The following RBFOX1 variants were observed in gnomAD, a reference collection of about 807,000 sequenced individuals.
The protein encoded by RBFOX1 is RNA binding protein fox-1 homolog 1.
RBFOX1 carries 8 observed loss-of-function variants against 57.7 expected under a neutral mutation model. That is an observed-to-expected ratio of 0.14 (90% CI 0.08 to 0.25). The LOEUF (loss-of-function observed/expected upper bound fraction) is 0.25, where lower values mean the gene tolerates loss of function less well. Among genes scored for constraint, RBFOX1 ranks in the 10% least tolerant of loss-of-function variants. The pLI is 1.00. For missense variants in RBFOX1, 611 were observed against 548.5 expected, an observed-to-expected ratio of 1.11 and a Z score of -1.14; for synonymous variants, 326 against 222.4, an observed-to-expected ratio of 1.47 and a Z score of -4.15.
rs117813726 is a variant in RBFOX1, at chr16:7,035,182, G to A, written c.-15-16875G>A. Among the ~76,000 whole-genome samples, 628 of 152,058 alleles carry A rather than the reference G, an allele frequency of 4.1e-3. 6 individuals are homozygous for A. The highest frequency in any genetic ancestry group is 0.024 in the East Asian group (125 of 5,138). On this transcript the variant is annotated intron_variant, in intron 3 of 15. Coordinates refer to ENST00000550418, the MANE Select transcript of RBFOX1 (RefSeq NM_018723.4). ...GTGCATTTGTAATGAGTTTCCAGGT[G>A]ATGCCAACGCTGTTGGTCCTCAGTC... is the stretch of plus-strand genomic sequence containing the variant.
At chr16:7,207,733 G>T (rs1461163612) in intron 4 of RBFOX1, among the ~76,000 whole-genome samples, 2 of 152,210 alleles carry the variant, frequency 1.3e-5, no homozygotes, top group Admixed American at 6.5e-5. Flanking sequence ...TAAGGCAGTT[G>T]CCTCCAACAC....
At chr16:7,067,123 A>G (rs765491546) in intron 4 of RBFOX1, among the ~76,000 whole-genome samples, 1 of 152,208 alleles carries the variant, frequency 6.6e-6, no homozygotes, top group Non-Finnish European at 1.5e-5. Flanking sequence ...TGCCAGCGGC[A>G]GCCTTCCATG....
intron 2 of RBFOX1, among the ~76,000 whole-genome samples, chr16:6,609,562 T>G (rs963546196): frequency 8.5e-5 from 13 of 152,154 alleles, no homozygotes; most frequent in African/African-American, 2.7e-4. Flanking sequence ...CAGGCTGGTA[T>G]GATTTTTCTA....
intron 3 of RBFOX1, among the ~76,000 whole-genome samples, chr16:5,717,621 G>C (rs1201445047): frequency 6.6e-6 from 1 of 152,040 alleles, no homozygotes; most frequent in African/African-American, 2.4e-5. Context: ...CCATTCCTCA[G>C]TTACTTCACT....
rs955660999 is a variant in RBFOX1 at position 7,664,649 on chromosome 16, G to A, written c.891-280G>A. ...TCAGTCCTCTTTGCATTTCAAAGTCGTGCCTTTCTGTACCCACTCCTGAGA... is the reference window on the plus strand; with the variant it reads ...TCAGTCCTCTTTGCATTTCAAAGTCATGCCTTTCTGTACCCACTCCTGAGA... On this transcript the variant is annotated intron_variant, in intron 12 of 15. Coordinates refer to ENST00000550418, the MANE Select transcript of RBFOX1 (RefSeq NM_018723.4). 16 of 467,550 alleles carry A rather than the reference G, an allele frequency of 3.4e-5. No individual in the cohort carries two copies. In the Admixed American group the frequency reaches 4.5e-4, roughly 13 times the overall value. The allele number at this position is 467,550 out of a possible 1,614,324, so 29.0% of individuals were successfully genotyped here.
chr16:5,685,948 A>G (rs1412658182), intron 3 of RBFOX1, among the ~76,000 whole-genome samples: 2 of 152,238 alleles, frequency 1.3e-5, no homozygotes, highest in Non-Finnish European at 2.9e-5. Context: ...GATGCCACTT[A>G]ATGGGGACAT....
chr16:6,407,766 A>C (rs929426908), intron 2 of RBFOX1, among the ~76,000 whole-genome samples: 1 of 152,158 alleles, frequency 6.6e-6, no homozygotes, highest in Non-Finnish European at 1.5e-5. Flanking sequence ...TTATCCCAGC[A>C]GGGACCATCA....
intron 4 of RBFOX1, among the ~76,000 whole-genome samples, chr16:7,089,960 C>T (rs978244035): frequency 2.6e-5 from 4 of 151,478 alleles, no homozygotes; most frequent in African/African-American, 9.7e-5. Context: ...TGGATGCAGG[C>T]TGTTTAAGGA....
intron 3 of RBFOX1, among the ~76,000 whole-genome samples, chr16:6,896,940 C>G (rs552123301): frequency 1.3e-5 from 2 of 152,184 alleles, no homozygotes; most frequent in South Asian, 4.1e-4. Flanking sequence ...CAAAGAAACT[C>G]TGCCACAACT....
At chr16:6,957,573 G>A (rs750639236) in intron 3 of RBFOX1, among the ~76,000 whole-genome samples, 1 of 152,106 alleles carries the variant, frequency 6.6e-6, no homozygotes, top group Non-Finnish European at 1.5e-5. Flanking sequence ...CACCATCTTG[G>A]TTTTGGTGGG....
intron 1 of RBFOX1, among the ~76,000 whole-genome samples, chr16:6,226,664 A>T (rs554308786): frequency 2.6e-5 from 4 of 152,102 alleles, no homozygotes; most frequent in Non-Finnish European, 2.9e-5. Flanking sequence ...TTTCTCCCCA[A>T]ACCTCTTAAG....
intron 2 of RBFOX1, among the ~76,000 whole-genome samples, chr16:6,594,375 A>G (rs148886854): frequency 1.2e-3 from 182 of 152,300 alleles, no homozygotes; most frequent in Admixed American, 2.2e-3. Flanking sequence ...ACAAGAATGC[A>G]TGTGCGATTA....
intron 2 of RBFOX1, among the ~76,000 whole-genome samples, chr16:6,646,004 C>A (rs2098531358): frequency 6.6e-6 from 1 of 152,136 alleles, no homozygotes; most frequent in African/African-American, 2.4e-5. Flanking sequence ...CTCCGCTGTT[C>A]AGGGTTTCCC....
At chr16:5,382,315 C>T (rs1211182967) in intron 1 of RBFOX1, among the ~76,000 whole-genome samples, 3 of 151,968 alleles carry the variant, frequency 2.0e-5, no homozygotes, top group African/African-American at 7.2e-5. Context: ...TTATTCTGCT[C>T]TTTGAAAACT....
intron 2 of RBFOX1, among the ~76,000 whole-genome samples, chr16:5,491,956 G>A (rs2042846978): frequency 6.6e-6 from 1 of 152,190 alleles, no homozygotes; most frequent in Non-Finnish European, 1.5e-5. Context: ...CCAGACACTG[G>A]TATTTTTAAA....
chr16:6,455,301 T>C (rs937687291), intron 2 of RBFOX1, among the ~76,000 whole-genome samples: 3 of 152,014 alleles, frequency 2.0e-5, no homozygotes, highest in African/African-American at 7.3e-5. Flanking sequence ...CTAACCACGA[T>C]GTATTGCCAA....
intron 3 of RBFOX1, among the ~76,000 whole-genome samples, chr16:6,838,813 C>T (rs1050920629): frequency 1.5e-4 from 23 of 152,120 alleles, no homozygotes; most frequent in African/African-American, 4.1e-4. Flanking sequence ...CAGAATACTC[C>T]ATTCTCAGCT....
intron 11 of RBFOX1, among the ~76,000 whole-genome samples, chr16:7,636,670 T>C (rs1178613891): frequency 6.6e-6 from 1 of 152,208 alleles, no homozygotes; most frequent in Non-Finnish European, 1.5e-5. Flanking sequence ...TATAACAAAA[T>C]ACCGTAGACT....
At chr16:5,383,699 T>C (rs2066187416) in intron 1 of RBFOX1, among the ~76,000 whole-genome samples, 1 of 152,210 alleles carries the variant, frequency 6.6e-6, no homozygotes, top group Admixed American at 6.5e-5. Flanking sequence ...TTTCACACTA[T>C]GATTTGGGCA....
Sources: allele counts gnomAD v4.1 joint callset (sites outside exome capture counted in the v4.1 genomes callset), GRCh38; gene constraint gnomAD v4.1.1; transcripts MANE v1.5; gene names NCBI Gene and HGNC (gene_info 2026-07-23, HGNC 2026-07-21).